The following LMTK2 variants were observed in gnomAD, a reference collection of about 807,000 sequenced individuals.
The protein encoded by LMTK2 is lemur tail kinase 2.
In LMTK2, 37 loss-of-function variants were observed where a neutral mutation model predicts 127.5. The ratio of observed to expected loss-of-function variants is 0.29; its 90% CI spans 0.22 to 0.38. The LOEUF (loss-of-function observed/expected upper bound fraction) is 0.38, where lower values mean the gene tolerates loss of function less well. Ranked by LOEUF, LMTK2 falls within the 10% of genes least tolerant of loss-of-function variation. LMTK2 has a pLI of 1.00. For synonymous variants in LMTK2, 819 were observed against 810.1 expected (o/e 1.01, Z -0.19); for missense variants, 1,694 against 1,920.3 (o/e 0.88, Z 2.20).
intron 11 of LMTK2, among the ~76,000 whole-genome samples, chr7:98,197,155 C>T (rs1207312981): frequency 6.6e-6 from 1 of 152,196 alleles, no homozygotes; most frequent in Non-Finnish European, 1.5e-5. Flanking sequence ...CAGCACTTAC[C>T]GTGTAAAGTA....
intron 8 of LMTK2, among the ~76,000 whole-genome samples, chr7:98,185,958 T>C (rs1209795820): frequency 6.6e-6 from 1 of 152,166 alleles, no homozygotes; most frequent in Non-Finnish European, 1.5e-5. Flanking sequence ...TCAAAAAATA[T>C]TATGCAAATA....
chr7:98,107,272 C>G lies in LMTK2; in HGVS notation c.95C>G (p.Thr32Arg), dbSNP rs1040009364. The change falls in exon 1 of 14, where the codon ACA (threonine) becomes AGA (arginine). Residue 32 changes from threonine (T) to arginine (R), a missense_variant. Thr to Arg is a moderately conservative substitution (Grantham distance 71). Transcript: ENST00000297293. ...GCTGGGGCCGCGCCACTTCCGCAAACAGGTGCAGGTGAGCGGGCCCGCGGC... is the reference window on the plus strand; with the variant it reads ...GCTGGGGCCGCGCCACTTCCGCAAAGAGGTGCAGGTGAGCGGGCCCGCGGC... ...GSAGAAPLPQ[T>R]GAGEAPPAAE... 2.2e-6 allele frequency: 3 copies of G among 1,388,154 alleles called. No individual in the cohort carries two copies. In the African/African-American group the frequency reaches 4.5e-5, roughly 21 times the overall value. 86.0% of individuals were successfully genotyped at this position (1,388,154 alleles called of 1,614,324 possible).
At chr7:98,120,263 G>C (rs1053460447) in intron 1 of LMTK2, among the ~76,000 whole-genome samples, 1 of 152,054 alleles carries the variant, frequency 6.6e-6, no homozygotes, top group African/African-American at 2.4e-5. Flanking sequence ...ATTTTAAAAG[G>C]CTTATTTTTT....
chr7:98,123,610 C>G (rs1252263638), intron 1 of LMTK2, among the ~76,000 whole-genome samples: 1 of 152,062 alleles, frequency 6.6e-6, no homozygotes, highest in African/African-American at 2.4e-5. Flanking sequence ...TGGTATGAGT[C>G]TCGTTTCATC....
intron 3 of LMTK2, among the ~76,000 whole-genome samples, chr7:98,146,710 A>T (rs1042569341): frequency 6.6e-6 from 1 of 152,224 alleles, no homozygotes. Flanking sequence ...TTTTGTGCCT[A>T]TTAACACAGA....
At chr7:98,120,827 G>A (rs1796350295) in intron 1 of LMTK2, among the ~76,000 whole-genome samples, 1 of 152,022 alleles carries the variant, frequency 6.6e-6, no homozygotes, top group African/African-American at 2.4e-5. Flanking sequence ...TGCTGGTAAG[G>A]CACTGAAAAA....
Position 98,154,793 on chromosome 7 carries a change from A to G in LMTK2, c.486A>G (p.Val162=). Residue 162 remains valine, a synonymous_variant, in exon 5 of 14, where the codon GTA becomes GTG. Coordinates refer to ENST00000297293, the MANE Select transcript of LMTK2 (RefSeq NM_014916.4). ...LLGEIYTGTS[V]ARVIVKELKA... ...GAGAGATTTACACGGGCACTAGCGT[A>G]GCAAGAGTCATCGTGAAGGAGTTAA... is the stretch of plus-strand genomic sequence containing the variant. 6.2e-7 allele frequency: 1 copy of G among 1,613,740 alleles called. No individual in the cohort carries two copies. The highest frequency in any genetic ancestry group is 8.5e-7 in the Non-Finnish European group (1 of 1,179,608).
intron 6 of LMTK2, among the ~76,000 whole-genome samples, chr7:98,163,826 G>C (rs1029560945): frequency 3.3e-5 from 5 of 151,432 alleles, no homozygotes; most frequent in Non-Finnish European, 5.9e-5. Flanking sequence ...CTGCCCCCTG[G>C]CCGCAATACA....
intron 1 of LMTK2, among the ~76,000 whole-genome samples, chr7:98,113,152 A>G (rs1234219495): frequency 1.3e-5 from 2 of 151,812 alleles, no homozygotes; most frequent in African/African-American, 2.4e-5. Context: ...CGTGTGAGGA[A>G]CCCCATGGGA....
At position 98,204,067 on chromosome 7, in the gene LMTK2, C is replaced by T. The variant is rs1034594857; in HGVS notation, c.4364C>T (p.Ala1455Val). ...TSKYFSPPPPARSTEQSWPHS... is the reference protein window; with the variant it reads ...TSKYFSPPPPVRSTEQSWPHS... ...AAGTACTTTTCTCCGCCGCCACCGGCCCGGAGCACGGAGCAGAGCTGGCCG... is the reference window on the plus strand; with the variant it reads ...AAGTACTTTTCTCCGCCGCCACCGGTCCGGAGCACGGAGCAGAGCTGGCCG... Residue 1455 changes from alanine (A) to valine (V), a missense_variant, in exon 13 of 14, where the codon GCC becomes GTC. By Grantham distance (64) the Ala-to-Val change is moderately conservative. Transcript: ENST00000297293. 3.1e-6 allele frequency: 5 copies of T among 1,614,000 alleles called. No individual in the cohort carries two copies. The highest frequency in any genetic ancestry group is 1.7e-5 in the Admixed American group (1 of 60,030).
intron 1 of LMTK2, among the ~76,000 whole-genome samples, chr7:98,111,318 C>T (rs1562893113): frequency 1.3e-5 from 2 of 152,232 alleles, no homozygotes; most frequent in Non-Finnish European, 2.9e-5. Flanking sequence ...TTTAAAAAGA[C>T]ACTGTCATAT....
chr7:98,159,783 A>G (rs1241992556), intron 6 of LMTK2, among the ~76,000 whole-genome samples: 2 of 152,164 alleles, frequency 1.3e-5, no homozygotes, highest in Non-Finnish European at 2.9e-5. Flanking sequence ...GTGCCCTCCT[A>G]AGAGCGTGAA....
chr7:98,120,217 G>A (rs1191571858), intron 1 of LMTK2, among the ~76,000 whole-genome samples: 2 of 152,182 alleles, frequency 1.3e-5, no homozygotes, highest in Non-Finnish European at 2.9e-5. Context: ...GTTTTTGAGA[G>A]AGGAGCTGCT....
At chr7:98,165,797 G>A (rs1032315566) in intron 6 of LMTK2, among the ~76,000 whole-genome samples, 6 of 152,146 alleles carry the variant, frequency 3.9e-5, no homozygotes, top group South Asian at 4.1e-4. Flanking sequence ...GATGGATGAC[G>A]TGTCGTTGCC....
intron 6 of LMTK2, among the ~76,000 whole-genome samples, chr7:98,159,770 G>A (rs1226867557): frequency 6.6e-6 from 1 of 152,184 alleles, no homozygotes; most frequent in African/African-American, 2.4e-5. Context: ...CTTGGGTCTA[G>A]ATGTGCCCTC....
intron 2 of LMTK2, among the ~76,000 whole-genome samples, chr7:98,140,081 T>TCTAA (rs1796654526): frequency 1.8e-5 from 2 of 110,526 alleles, no homozygotes; most frequent in South Asian, 7.6e-4. Flanking sequence ...TCCACAACTT[T>TCTAA]CTTTCTTTCT....
intron 6 of LMTK2, among the ~76,000 whole-genome samples, chr7:98,166,249 G>A (rs1054038958): frequency 1.3e-5 from 2 of 152,234 alleles, no homozygotes; most frequent in African/African-American, 4.8e-5. Context: ...TGCAGTGACA[G>A]GTCATCGCTG....
Position 98,185,066 on chromosome 7 carries a change from G to A in LMTK2, c.807G>A (p.Arg269=). The change falls in exon 8 of 14, where the codon CGG becomes CGA. Residue 269 remains arginine, a synonymous_variant. Coordinates refer to ENST00000297293, the MANE Select transcript of LMTK2 (RefSeq NM_014916.4). ...CTGTTTTCAGTGATTTAGCCCTGCG[G>A]AATTGTTTTCTCACCTCCGACTTAA... The part of the protein sequence containing the change: ...LHFLHSDLAL[R]NCFLTSDLNV... 6.2e-7 allele frequency: 1 copy of A among 1,612,404 alleles called. No homozygotes were observed. The highest frequency in any genetic ancestry group is 8.5e-7 in the Non-Finnish European group (1 of 1,178,564).
intron 1 of LMTK2, among the ~76,000 whole-genome samples, chr7:98,129,087 A>T (rs1052053000): frequency 5.3e-5 from 8 of 151,880 alleles, no homozygotes; most frequent in South Asian, 2.1e-4. Context: ...TATTATTATT[A>T]TTTTTGAGAC....
Sources: allele counts gnomAD v4.1 joint callset (sites outside exome capture counted in the v4.1 genomes callset), GRCh38; gene constraint gnomAD v4.1.1; transcripts MANE v1.5; gene names NCBI Gene and HGNC (gene_info 2026-07-23, HGNC 2026-07-21).